NEIL2: variants seen among roughly 807,000 people sequenced by gnomAD.
NEIL2 encodes the protein nei like DNA glycosylase 2.
A neutral mutation model predicts 22.2 loss-of-function variants in NEIL2; 23 were observed. The ratio of observed to expected loss-of-function variants is 1.04; its 90% CI spans 0.75 to 1.47. The LOEUF is 1.47. Among genes scored for constraint, NEIL2 ranks in the 40% most tolerant of loss-of-function variants. The probability of loss-of-function intolerance (pLI) is 0.00; values close to 1 mark genes in which losing one functional copy is unlikely to be tolerated. For synonymous variants in NEIL2, 229 were observed against 164.8 expected (o/e 1.39, Z -2.99); for missense variants, 583 against 404.7 (o/e 1.44, Z -3.78).
At position 11,771,514 on chromosome 8, in the gene NEIL2, G is replaced by C; in HGVS notation, c.67G>C (p.Val23Leu). 2 of 1,614,102 alleles carry C rather than the reference G, an allele frequency of 1.2e-6. No individual in the cohort carries two copies. The highest frequency in any genetic ancestry group is 1.3e-5 in the African/African-American group (1 of 75,032). Reference sequence around the variant, plus strand: ...CTCCCCCTTTGTGGGTCAGCAGGTGGTCAAGACAGGGGGCAGCAGTAAGAA... The same window carrying C: ...CTCCCCCTTTGTGGGTCAGCAGGTGCTCAAGACAGGGGGCAGCAGTAAGAA... ...LVSPFVGQQVVKTGGSSKKLQ... is the reference protein window; with the variant it reads ...LVSPFVGQQVLKTGGSSKKLQ... Residue 23 changes from valine (V) to leucine (L), a missense_variant, in exon 2 of 5, where the codon GTC (valine) becomes CTC (leucine). Val to Leu is a conservative substitution (Grantham distance 32). Transcript: ENST00000284503.
At chr8:11,778,943 GAAAA>G (rs57173797) in intron 2 of NEIL2, among the ~76,000 whole-genome samples, 5 of 44,504 alleles carry the variant, frequency 1.1e-4, no homozygotes, top group Non-Finnish European at 1.5e-4. Context: ...GACTCCATCT[GAAAA>G]AAAAAAAAAA....
intron 1 of NEIL2, among the ~76,000 whole-genome samples, 195 bp from the exon 2 acceptor site, chr8:11,771,251 G>A (rs1201314644): frequency 2.0e-5 from 3 of 152,128 alleles, no homozygotes; most frequent in Non-Finnish European, 4.4e-5. Context: ...TTCCTGCTAC[G>A]TTTCCCACAC....
Position 11,783,289 on chromosome 8 carries a change from C to T in NEIL2, c.578C>T (p.Thr193Ile), listed in dbSNP as rs1804606216. The T allele has an allele frequency of 6.2e-7, 1 of 1,613,972 alleles. No homozygotes were observed. Among genetic ancestry groups the T allele is most frequent in the Admixed American group, 1.7e-5 (1 of 60,032 alleles). The stretch of plus-strand genomic sequence containing the variant: ...AGCTCTTCCCCAGTGGTCACACCCA[C>T]CTGTGACATCCTGTCTGAGAAGTTC... ...SWSSSPVVTP[T>I]CDILSEKFHR... is the part of the protein sequence containing the mutation. Residue 193 changes from threonine (T) to isoleucine (I), a missense_variant, in exon 4 of 5, where the codon ACC becomes ATC. Coordinates refer to ENST00000284503, the MANE Select transcript of NEIL2 (RefSeq NM_145043.4).
chr8:11,775,792 C>G (rs558645433), intron 2 of NEIL2, among the ~76,000 whole-genome samples: 1 of 152,344 alleles, frequency 6.6e-6, no homozygotes, highest in African/African-American at 2.4e-5. Context: ...CAAGAATCAC[C>G]TTTACTCTAG....
Position 11,779,704 on chromosome 8 carries a change from G to T in NEIL2, c.245G>T (p.Gly82Val). ...CCACAAAAAGAAGTGCAGAAGGAAG[G>T]GGCTGCGGACCCAAAGCAGGTCGGG... ...EPPQKEVQKEGAADPKQVGEP... is the reference protein window; with the variant it reads ...EPPQKEVQKEVAADPKQVGEP... The change falls in exon 3 of 5, where the codon GGG (glycine) becomes GTG (valine). Residue 82 changes from glycine (G) to valine (V), a missense_variant. Physicochemically the swap from Gly to Val is moderately radical, Grantham distance 109. Transcript: ENST00000284503. 1 of 1,614,144 alleles carries T rather than the reference G, an allele frequency of 6.2e-7. No homozygotes were observed. Among genetic ancestry groups the T allele is most frequent in the Non-Finnish European group, 8.5e-7 (1 of 1,180,012 alleles).
chr8:11,783,179 A>G (rs1391529216), intron 3 of NEIL2, 24 bp from the exon 4 acceptor site: 6 of 1,610,082 alleles, frequency 3.7e-6, no homozygotes, highest in Middle Eastern at 1.6e-4. Context: ...CGATGTGTAC[A>G]TATGACCTGT....
rs1038417666 is a variant in NEIL2 at position 11,786,394 on chromosome 8, A to G, written c.*121A>G. ...GATAGTGTGGGTCAGAGGTGCCAGT[A>G]GTATAATATTCGTCTCCCTGGAGTT... On this transcript the variant is annotated 3_prime_UTR_variant, in exon 5 of 5. Transcript: ENST00000284503. The G allele has an allele frequency of 3.2e-6, 3 of 950,842 alleles. No individual in the cohort carries two copies. The highest frequency in any genetic ancestry group is 2.0e-5 in the Admixed American group (1 of 50,164). 58.9% of individuals were successfully genotyped at this position (950,842 alleles called of 1,614,324 possible).
chr8:11,774,153 G>C (rs1331185024), intron 2 of NEIL2, among the ~76,000 whole-genome samples: 1 of 152,080 alleles, frequency 6.6e-6, no homozygotes, highest in African/African-American at 2.4e-5. Context: ...AGGTGGGCAG[G>C]TCGCCTGAGG....
rs1263298527 is a variant in NEIL2 at position 11,779,838 on chromosome 8, G to C, written c.379G>C (p.Ala127Pro). 6.2e-7 allele frequency: 1 copy of C among 1,614,202 alleles called. No individual in the cohort carries two copies. The highest frequency in any genetic ancestry group is 8.5e-7 in the Non-Finnish European group (1 of 1,180,038). ...GGAGAGAGACGCCCCTGCAGGAGATGCTGGGAGGTGGCTGCGTGTCAGCTT... is the reference window on the plus strand; with the variant it reads ...GGAGAGAGACGCCCCTGCAGGAGATCCTGGGAGGTGGCTGCGTGTCAGCTT... The part of the protein sequence containing the change: ...YLERDAPAGD[A>P]GRWLRVSFGL... Residue 127 changes from alanine to proline, a missense_variant, in exon 3 of 5, where the codon GCT (alanine) becomes CCT (proline). Transcript: ENST00000284503.
chr8:11,779,795 G>A lies in NEIL2; in HGVS notation c.336G>A (p.Glu112=), dbSNP rs1417823046. 3 of 1,614,056 alleles carry A rather than the reference G, an allele frequency of 1.9e-6. No individual in the cohort carries two copies. The South Asian group carries it at 3.3e-5, about 18-fold the overall frequency. Residue 112 remains glutamate, a synonymous_variant, in exon 3 of 5, where the codon GAG becomes GAA. Coordinates refer to ENST00000284503, the MANE Select transcript of NEIL2 (RefSeq NM_145043.4). ...CTGCAGAGCTCGTCCCCCAGGGCGA[G>A]GATGATTCTGAGTATTTGGAGAGAG... ...SRSAELVPQG[E]DDSEYLERDA...
At chr8:11,783,897 G>A (rs184124630) in intron 4 of NEIL2, among the ~76,000 whole-genome samples, 4 of 152,352 alleles carry the variant, frequency 2.6e-5, no homozygotes, top group African/African-American at 9.6e-5. Flanking sequence ...CTTATGCGAC[G>A]CGAGTGAAGA....
chr8:11,780,006 G>C, intron 3 of NEIL2, 56 bp downstream of exon 3: 1 of 1,483,084 alleles, frequency 6.7e-7, no homozygotes, highest in African/African-American at 1.4e-5. Flanking sequence ...GGCCCTGCTT[G>C]GTGGGGTTTG....
At chr8:11,770,686 A>C (rs907745680) in intron 1 of NEIL2, among the ~76,000 whole-genome samples, 2 of 152,080 alleles carry the variant, frequency 1.3e-5, no homozygotes, top group African/African-American at 4.8e-5. Flanking sequence ...TGAGGCTGGG[A>C]GTCTCCTCTG....
chr8:11,774,704 C>T (rs183539825), intron 2 of NEIL2, among the ~76,000 whole-genome samples: 93 of 152,360 alleles, frequency 6.1e-4, no homozygotes, highest in African/African-American at 1.7e-3. Context: ...AAGTTAGTTA[C>T]TTCCTAGATA....
At position 11,785,836 on chromosome 8, in the gene NEIL2, G is replaced by T; in HGVS notation, c.689-127G>T. 3.6e-6 allele frequency: 3 copies of T among 833,884 alleles called. No homozygotes were observed. The South Asian group carries it at 4.1e-5, about 11-fold the overall frequency. The allele number at this position is 833,884 out of a possible 1,614,324, so 51.7% of individuals were successfully genotyped here. On this transcript the variant is annotated intron_variant, in intron 4 of 4. Transcript: ENST00000284503. ...TTACAGACAGAGAAATGGAGTCAGA[G>T]ATCGCAGACCCGTCTAGGGTCCCCC...
Position 11,786,403 on chromosome 8 carries a change from T to A in NEIL2, c.*130T>A. ...GGTCAGAGGTGCCAGTAGTATAATATTCGTCTCCCTGGAGTTATGTTGAAG... is the reference window on the plus strand; with the variant it reads ...GGTCAGAGGTGCCAGTAGTATAATAATCGTCTCCCTGGAGTTATGTTGAAG... On this transcript the variant is annotated 3_prime_UTR_variant, in exon 5 of 5. Coordinates refer to ENST00000284503, the MANE Select transcript of NEIL2 (RefSeq NM_145043.4). 3.3e-6 allele frequency: 3 copies of A among 896,540 alleles called. No individual in the cohort carries two copies. In the South Asian group the frequency reaches 4.3e-5, roughly 13 times the overall value. The allele number at this position is 896,540 out of a possible 1,614,324, so 55.5% of individuals were successfully genotyped here. A position where few individuals can be genotyped will look rare whatever the true frequency, so the allele number is the denominator to read the frequency against.
Position 11,769,944 on chromosome 8 carries a change from C to G in NEIL2, c.-394C>G, listed in dbSNP as rs1803283035. On this transcript the variant is annotated 5_prime_UTR_variant, in exon 1 of 5. Coordinates refer to ENST00000284503, the MANE Select transcript of NEIL2 (RefSeq NM_145043.4). Reference sequence around the variant, plus strand: ...GGAGGCCCCCACTGACCCTCAGACCCGCGTCTGCGCCCCTCTCCCCGCACC... The same window carrying G: ...GGAGGCCCCCACTGACCCTCAGACCGGCGTCTGCGCCCCTCTCCCCGCACC... 6.6e-6 allele frequency: 1 copy of G among 152,326 alleles called. No individual in the cohort carries two copies. The allele number at this position is 152,326 out of a possible 1,614,324, so 9.4% of individuals were successfully genotyped here. A position where few individuals can be genotyped will look rare whatever the true frequency, so the allele number is the denominator to read the frequency against.
At chr8:11,783,043 G>A in intron 3 of NEIL2, 160 bp from the exon 4 acceptor site, 1 of 713,700 alleles carries the variant, frequency 1.4e-6, no homozygotes, top group East Asian at 2.6e-5. Flanking sequence ...TGGTAACGAT[G>A]TGGGGATGTC....
chr8:11,771,412 G>C, intron 1 of NEIL2, 34 bp from the exon 2 acceptor site: 1 of 1,612,532 alleles, frequency 6.2e-7, no homozygotes, highest in East Asian at 2.2e-5. Context: ...AATGAGCTAA[G>C]TCGGTGGCCT....
Sources: allele counts gnomAD v4.1 joint callset (sites outside exome capture counted in the v4.1 genomes callset), GRCh38; gene constraint gnomAD v4.1.1; transcripts MANE v1.5; gene names NCBI Gene and HGNC (gene_info 2026-07-23, HGNC 2026-07-21).